Variants in ZCCHC7 observed in about 807,000 individuals in gnomAD.
The protein encoded by ZCCHC7 is zinc finger CCHC domain-containing protein 7.
In ZCCHC7, 35 loss-of-function variants were observed where a neutral mutation model predicts 52.0. The ratio of observed to expected loss-of-function variants is 0.67; its 90% CI spans 0.51 to 0.89. ZCCHC7 has a LOEUF of 0.89. Ranked by LOEUF, ZCCHC7 falls within the 40% of genes least tolerant of loss-of-function variation. The pLI is 0.00. For missense variants in ZCCHC7, 574 were observed against 649.1 expected (o/e 0.88, Z 1.26); for synonymous variants, 217 against 221.5 (o/e 0.98, Z 0.18).
chr9:37,202,788 A>G (rs1401142140), intron 2 of ZCCHC7, among the ~76,000 whole-genome samples: 1 of 152,226 alleles, frequency 6.6e-6, no homozygotes, highest in Non-Finnish European at 1.5e-5. Flanking sequence ...GGCCCTTATA[A>G]ACTACTTTAG....
chr9:37,325,019 T>G (rs1830185038), intron 5 of ZCCHC7, among the ~76,000 whole-genome samples: 1 of 152,182 alleles, frequency 6.6e-6, no homozygotes, highest in Admixed American at 6.6e-5. Flanking sequence ...AAACAATAAT[T>G]AGCACCTGAT....
chr9:37,272,550 T>TA (rs1262667104), intron 2 of ZCCHC7, among the ~76,000 whole-genome samples: 7 of 143,942 alleles, frequency 4.9e-5, no homozygotes, highest in African/African-American at 1.5e-4. Context: ...CTGACGCACA[T>TA]CCCTTCTCCA....
intron 2 of ZCCHC7, among the ~76,000 whole-genome samples, chr9:37,253,600 A>T (rs941407878): frequency 6.6e-6 from 1 of 152,056 alleles, no homozygotes; most frequent in Admixed American, 6.5e-5. Flanking sequence ...TGACACACAC[A>T]GTGGGACCAG....
intron 2 of ZCCHC7, among the ~76,000 whole-genome samples, chr9:37,132,257 CAT>C (rs756215221): frequency 4.6e-5 from 7 of 152,110 alleles, no homozygotes; most frequent in Non-Finnish European, 8.8e-5. Flanking sequence ...CAAATGATGA[CAT>C]GTGACAATAA....
At chr9:37,189,958 G>A (rs1324052814) in intron 2 of ZCCHC7, among the ~76,000 whole-genome samples, 1 of 152,024 alleles carries the variant, frequency 6.6e-6, no homozygotes, top group Admixed American at 6.6e-5. Flanking sequence ...ACTTCATGGG[G>A]CCACTTTCCT....
At chr9:37,191,169 G>A (rs1455292683) in intron 2 of ZCCHC7, among the ~76,000 whole-genome samples, 1 of 152,160 alleles carries the variant, frequency 6.6e-6, no homozygotes, top group Non-Finnish European at 1.5e-5. Context: ...TGCTGCCTCA[G>A]AGAAGCAGGA....
At chr9:37,164,744 T>C (rs1220363332) in intron 2 of ZCCHC7, among the ~76,000 whole-genome samples, 1 of 152,092 alleles carries the variant, frequency 6.6e-6, no homozygotes, top group Non-Finnish European at 1.5e-5. Flanking sequence ...ACATCTAAGT[T>C]TTTTTTAGGT....
intron 6 of ZCCHC7, among the ~76,000 whole-genome samples, chr9:37,344,146 T>C (rs1820808604): frequency 6.6e-6 from 1 of 152,120 alleles, no homozygotes; most frequent in Non-Finnish European, 1.5e-5. Flanking sequence ...GACCCCCATC[T>C]CCTAAAAACC....
At chr9:37,170,574 G>C (rs76290250) in intron 2 of ZCCHC7, among the ~76,000 whole-genome samples, 6,513 of 152,254 alleles carry the variant, frequency 0.043, 468 homozygotes, top group African/African-American at 0.15. Context: ...GGGTTGGTAA[G>C]AGGAATTTGG....
At chr9:37,333,300 G>C (rs1368406756) in intron 6 of ZCCHC7, among the ~76,000 whole-genome samples, 1 of 151,582 alleles carries the variant, frequency 6.6e-6, no homozygotes, top group Non-Finnish European at 1.5e-5. Flanking sequence ...TATCTTTAAT[G>C]ACCTACTCAC....
intron 2 of ZCCHC7, among the ~76,000 whole-genome samples, chr9:37,130,334 CTTTTTTTTTTT>C (rs34589957): frequency 3.2e-4 from 20 of 63,136 alleles, no homozygotes; most frequent in South Asian, 2.2e-3. Flanking sequence ...GAATTCTCTC[CTTTTTTTTTTT>C]TTTTTTTTTT....
At chr9:37,336,275 T>G (rs2118362822) in intron 6 of ZCCHC7, among the ~76,000 whole-genome samples, 1 of 152,294 alleles carries the variant, frequency 6.6e-6, no homozygotes, top group Non-Finnish European at 1.5e-5. Flanking sequence ...AACTCAAACT[T>G]AAGCACTTTA....
intron 2 of ZCCHC7, among the ~76,000 whole-genome samples, chr9:37,160,879 T>TC (rs1452750740): frequency 6.6e-6 from 1 of 151,476 alleles, no homozygotes; most frequent in Non-Finnish European, 1.5e-5. Flanking sequence ...AGAGCGAAAC[T>TC]CCATCTCAAA....
At chr9:37,294,363 C>T (rs966699490) in intron 2 of ZCCHC7, among the ~76,000 whole-genome samples, 1 of 152,112 alleles carries the variant, frequency 6.6e-6, no homozygotes, top group African/African-American at 2.4e-5. Flanking sequence ...GAGTTAGGCT[C>T]AGGAAAGGAT....
chr9:37,316,207 G>T (rs1012128294), intron 5 of ZCCHC7, among the ~76,000 whole-genome samples: 1 of 152,062 alleles, frequency 6.6e-6, no homozygotes, highest in South Asian at 2.1e-4. Context: ...CTACAGGCAC[G>T]CACTACAATG....
chr9:37,275,318 C>CTTTTTTTTTTTTTTTTTTTTTTTTTT (rs35954918), intron 2 of ZCCHC7, among the ~76,000 whole-genome samples: 4 of 124,032 alleles, frequency 3.2e-5, no homozygotes, highest in Non-Finnish European at 3.4e-5. Flanking sequence ...TCTAGTTTTC[C>CTTTTTTTTTTTTTTTTTTTTTTTTTT]TTTTTTTTTT....
At chr9:37,275,589 C>T (rs1338889650) in intron 2 of ZCCHC7, among the ~76,000 whole-genome samples, 2 of 151,828 alleles carry the variant, frequency 1.3e-5, no homozygotes, top group Non-Finnish European at 2.9e-5. Context: ...ATTGTTTTTC[C>T]CTATGGTATG....
intron 8 of ZCCHC7, 113 bp from the exon 9 acceptor site, chr9:37,356,722 G>C: frequency 2.0e-6 from 2 of 1,002,442 alleles, no homozygotes; most frequent in Admixed American, 3.0e-5. Flanking sequence ...ATGTCATACT[G>C]TTAACATGTT....
chr9:37,354,368 T>C lies in ZCCHC7; in HGVS notation c.1084-342T>C, dbSNP rs1400127222. Among the ~76,000 whole-genome samples, 1 of 152,012 alleles carries C rather than the reference T, an allele frequency of 6.6e-6. No individual in the cohort carries two copies. The highest frequency in any genetic ancestry group is 1.5e-5 in the Non-Finnish European group (1 of 68,012). On this transcript the variant is annotated intron_variant, in intron 7 of 8. Coordinates refer to ENST00000336755, the MANE Select transcript of ZCCHC7 (RefSeq NM_032226.3). The surrounding 1 kb of genome is among the most constrained non-coding windows in gnomAD (Gnocchi z 4.0). Reference sequence around the variant, plus strand: ...AAGTGATGGACAAGCAAAGGAGTAATACTAACATGAGGCCGAATAACATAA... The same window carrying C: ...AAGTGATGGACAAGCAAAGGAGTAACACTAACATGAGGCCGAATAACATAA...
Sources: gnomAD v4.1 joint callset for allele counts (sites outside exome capture counted in the v4.1 genomes callset) on GRCh38, gnomAD v4.1.1 for gene constraint, Gnocchi (gnomAD v3.1) non-coding constraint, MANE v1.5 for transcripts, NCBI Gene and HGNC (gene_info 2026-07-23, HGNC 2026-07-21) for gene names.